The following IGBP1C variants were observed in gnomAD, a reference collection of about 807,000 sequenced individuals.
The protein encoded by IGBP1C is IGBP1 family member C.
chr17:58,665,905 C>T, the IGBP1C span, among the ~76,000 whole-genome samples: 4 of 151,938 alleles, frequency 2.6e-5, no homozygotes, highest in South Asian at 2.1e-4. Context: ...AAACTAGCCA[C>T]GCGTGGTGGC....
At chr17:58,674,398 A>G in the IGBP1C span, among the ~76,000 whole-genome samples, 1 of 151,974 alleles carries the variant, frequency 6.6e-6, no homozygotes. Context: ...GGCCAGGCGC[A>G]GTGGCTCACG....
chr17:58,678,817 G>A, the IGBP1C span, among the ~76,000 whole-genome samples: 1 of 30,742 alleles, frequency 3.3e-5, no homozygotes, highest in Non-Finnish European at 5.7e-5. Flanking sequence ...AGAACTTAAA[G>A]TATAATAATA....
At chr17:58,684,056 G>A in the IGBP1C span, among the ~76,000 whole-genome samples, 13,789 of 151,762 alleles carry the variant, frequency 0.091, 896 homozygotes, top group East Asian at 0.31. Flanking sequence ...AGAGCGATAG[G>A]ACCTACATAT....
chr17:58,681,014 G>GCTCA, the IGBP1C span, among the ~76,000 whole-genome samples: 1 of 152,072 alleles, frequency 6.6e-6, no homozygotes, highest in Non-Finnish European at 1.5e-5. Context: ...AGGTGCAGTG[G>GCTCA]CTCACACCTG....
chr17:58,661,302 G>C, the IGBP1C span: 1 of 818,262 alleles, frequency 1.2e-6, no homozygotes, highest in East Asian at 2.4e-5. Context: ...TGATCTAGAC[G>C]CTTACGGGGG....
chr17:58,662,412 ATC>A, the IGBP1C span, among the ~76,000 whole-genome samples: 126 of 96,894 alleles, frequency 1.3e-3, no homozygotes, highest in Middle Eastern at 6.5e-3. Context: ...TAGCACACAT[ATC>A]TCACACACAC....
At chr17:58,666,384 G>A in the IGBP1C span, among the ~76,000 whole-genome samples, 1 of 127,730 alleles carries the variant, frequency 7.8e-6, no homozygotes, top group Non-Finnish European at 1.6e-5. Flanking sequence ...AACAACCAAA[G>A]AAGGCTGAGC....
At chr17:58,689,221 T>A in the IGBP1C span, among the ~76,000 whole-genome samples, 5 of 150,040 alleles carry the variant, frequency 3.3e-5, no homozygotes, top group African/African-American at 1.2e-4. Context: ...GACATCACGC[T>A]CAGCTAATTT....
the IGBP1C span, among the ~76,000 whole-genome samples, chr17:58,681,814 G>A: frequency 6.6e-6 from 1 of 151,940 alleles, no homozygotes; most frequent in African/African-American, 2.4e-5. Context: ...TTGCACTCCA[G>A]CCTGGGTGAC....
At chr17:58,680,211 C>T in the IGBP1C span, among the ~76,000 whole-genome samples, 1 of 151,996 alleles carries the variant, frequency 6.6e-6, no homozygotes, top group Non-Finnish European at 1.5e-5. Context: ...CAGGCGCGCA[C>T]GGCTTTCTTG....
the IGBP1C span, among the ~76,000 whole-genome samples, chr17:58,664,411 C>T: frequency 2.0e-5 from 3 of 152,168 alleles, no homozygotes; most frequent in South Asian, 6.2e-4. Context: ...TTTTGCCATT[C>T]ATATTCTTGA....
At chr17:58,663,891 A>G in the IGBP1C span, among the ~76,000 whole-genome samples, 1 of 152,128 alleles carries the variant, frequency 6.6e-6, no homozygotes, top group African/African-American at 2.4e-5. Context: ...TACTAACTCT[A>G]TTTAGGCCAG....
At chr17:58,661,368 G>A in the IGBP1C span, 2 of 925,266 alleles carry the variant, frequency 2.2e-6, no homozygotes, top group Admixed American at 1.7e-5. Flanking sequence ...AGGTACTTCA[G>A]GTCGGTGGAA....
chr17:58,676,254 T>A, the IGBP1C span, among the ~76,000 whole-genome samples: 1 of 152,086 alleles, frequency 6.6e-6, no homozygotes, highest in Non-Finnish European at 1.5e-5. Context: ...CAGGTGCCTG[T>A]AATCCCAGCT....
the IGBP1C span, among the ~76,000 whole-genome samples, chr17:58,663,042 G>A: frequency 6.6e-6 from 1 of 151,608 alleles, no homozygotes; most frequent in African/African-American, 2.4e-5. Context: ...CCGGGAGGCA[G>A]AGGTTGCAGT....
the IGBP1C span, among the ~76,000 whole-genome samples, chr17:58,663,422 C>CA: frequency 0.14 from 8,003 of 57,592 alleles, 325 homozygotes; most frequent in African/African-American, 0.18. Flanking sequence ...AACTCCGTCT[C>CA]AAAAAAAAAA....
chr17:58,690,040 G>A, the IGBP1C span, among the ~76,000 whole-genome samples: 3 of 151,554 alleles, frequency 2.0e-5, no homozygotes, highest in South Asian at 2.1e-4. Context: ...TAGTAGAGAC[G>A]GGGTTTCATC....
At chr17:58,661,462 C>T in the IGBP1C span, 1 of 783,238 alleles carries the variant, frequency 1.3e-6, no homozygotes, top group Non-Finnish European at 2.4e-6. Context: ...GGTCGAGGCC[C>T]TTGAACACCT....
At chr17:58,674,562 C>T in the IGBP1C span, among the ~76,000 whole-genome samples, 8 of 151,176 alleles carry the variant, frequency 5.3e-5, no homozygotes, top group African/African-American at 1.7e-4. Flanking sequence ...CCCAGCTACT[C>T]GAGACGGAGA....
Sources: gnomAD v4.1 joint callset for allele counts (sites outside exome capture counted in the v4.1 genomes callset) on GRCh38, gnomAD v4.1.1 for gene constraint, MANE v1.5 for transcripts, NCBI Gene and HGNC (gene_info 2026-07-23, HGNC 2026-07-21) for gene names.